Variants in UGT1A8 observed in about 807,000 individuals in gnomAD.
The protein encoded by UGT1A8 is UDP glucuronosyltransferase family 1 member A8.
Under a neutral mutation model 45.3 loss-of-function variants are expected in UGT1A8, and 39 were observed. The observed-to-expected ratio is 0.86, with a 90% CI of 0.67 to 1.12. The LOEUF is 1.12. UGT1A8 is among the 50% of genes most tolerant of loss of function. The pLI, the probability that UGT1A8 is intolerant of heterozygous loss-of-function variation, is 0.00. For missense variants in UGT1A8, 719 were observed against 664.9 expected (o/e 1.08, Z -0.90); for synonymous variants, 275 against 249.2 (o/e 1.10, Z -0.97).
At chr2:233,662,585 G>T (rs1269571283) in intron 1 of UGT1A8, among the ~76,000 whole-genome samples, 1 of 152,154 alleles carries the variant, frequency 6.6e-6, no homozygotes, top group South Asian at 2.1e-4. Flanking sequence ...CTGTGAATGA[G>T]ATCCTTTTAC....
At chr2:233,697,299 A>G (rs570191835) in intron 1 of UGT1A8, among the ~76,000 whole-genome samples, 2 of 152,014 alleles carry the variant, frequency 1.3e-5, no homozygotes, top group African/African-American at 4.8e-5. Flanking sequence ...TCTTCATTCA[A>G]TCTTGGTAGA....
At chr2:233,722,804 C>G (rs1575543281) in intron 1 of UGT1A8, among the ~76,000 whole-genome samples, 2 of 147,930 alleles carry the variant, frequency 1.4e-5, no homozygotes, top group Non-Finnish European at 3.0e-5. Context: ...TCATCTCCCT[C>G]TTATTTTTTC....
In UGT1A8 at chr2:233,769,769, T is replaced by A. The variant is rs979940706; in HGVS notation, c.1295+1330T>A. 1.4e-6 allele frequency: 2 copies of A among 1,395,436 alleles called. No individual in the cohort carries two copies. Among genetic ancestry groups the A allele is most frequent in the Non-Finnish European group, 1.9e-6 (2 of 1,067,626 alleles). The allele number at this position is 1,395,436 out of a possible 1,614,324, so 86.4% of individuals were successfully genotyped here. ...ACTCTGGAGGCTAAGGCGGGAGGAT[T>A]GCTTGAGCCCAGAAGTTGGAGGCTG... is the stretch of plus-strand genomic sequence containing the variant. On this transcript the variant is annotated intron_variant, in intron 4 of 4. Transcript: ENST00000373450. This position sits in a 1 kb window ranked among gnomAD's most constrained non-coding sequence, Gnocchi z 4.4.
chr2:233,741,193 A>G (rs1392920189), intron 1 of UGT1A8, among the ~76,000 whole-genome samples: 1 of 151,910 alleles, frequency 6.6e-6, no homozygotes, highest in Non-Finnish European at 1.5e-5. Flanking sequence ...TTTGCTTTCA[A>G]CTGTTAAAAC....
chr2:233,717,710 C>A, intron 1 of UGT1A8: 2 of 452,848 alleles, frequency 4.4e-6, no homozygotes, highest in Non-Finnish European at 8.9e-6. Context: ...CAGGACGAGC[C>A]TCATGGGCAT....
Position 233,768,222 on chromosome 2 carries a change from C to G in UGT1A8, c.1078C>G (p.His360Asp). 1 of 1,614,186 alleles carries G rather than the reference C, an allele frequency of 6.2e-7. No homozygotes were observed. Among genetic ancestry groups the G allele is most frequent in the Non-Finnish European group, 8.5e-7 (1 of 1,180,046 alleles). The change falls in exon 4 of 5, where the codon CAC becomes GAC. Residue 360 changes from histidine to aspartate, a missense_variant and splice_region_variant. His to Asp is a moderately conservative substitution (Grantham distance 81, BLOSUM62 -1). Coordinates refer to ENST00000373450, the MANE Select transcript of UGT1A8 (RefSeq NM_019076.5). ...ATCCTCCCTATTTTGCATCTCAGGT[C>G]ACCCGATGACCCGTGCCTTTATCAC... ...KWLPQNDLLG[H>D]PMTRAFITHA... is the part of the protein sequence containing the mutation.
intron 1 of UGT1A8, among the ~76,000 whole-genome samples, chr2:233,639,894 T>C (rs1328224148): frequency 1.3e-5 from 2 of 152,328 alleles, no homozygotes; most frequent in East Asian, 1.9e-4. Flanking sequence ...AGCAGAACAT[T>C]GAAATAGTTT....
intron 1 of UGT1A8, among the ~76,000 whole-genome samples, chr2:233,714,731 C>T (rs1234277982): frequency 6.6e-6 from 1 of 152,142 alleles, no homozygotes; most frequent in Non-Finnish European, 1.5e-5. Context: ...GTTAAGTCTT[C>T]AAAATCTAGC....
chr2:233,697,389 G>T (rs1033670982), intron 1 of UGT1A8, among the ~76,000 whole-genome samples: 1 of 151,952 alleles, frequency 6.6e-6, no homozygotes, highest in African/African-American at 2.4e-5. Flanking sequence ...AATCGCTAAT[G>T]ATCCTTTGTA....
chr2:233,734,873 G>A (rs1334248859), intron 1 of UGT1A8, among the ~76,000 whole-genome samples: 3 of 152,244 alleles, frequency 2.0e-5, no homozygotes, highest in Non-Finnish European at 2.9e-5. Flanking sequence ...ACTATGGTCT[G>A]AGAGACAGTT....
At chr2:233,719,955 G>A (rs914065471) in intron 1 of UGT1A8, among the ~76,000 whole-genome samples, 4 of 152,160 alleles carry the variant, frequency 2.6e-5, no homozygotes, top group Admixed American at 2.6e-4. Flanking sequence ...CCATCTTCAT[G>A]GTTGTGCATG....
chr2:233,718,173 A>G (rs143975074), intron 1 of UGT1A8: 25 of 238,454 alleles, frequency 1.0e-4, no homozygotes, highest in Admixed American at 2.8e-4. Flanking sequence ...TGATCATCAC[A>G]TCTTGAGCTC....
chr2:233,731,057 C>A (rs1221719711), intron 1 of UGT1A8, among the ~76,000 whole-genome samples: 3 of 152,120 alleles, frequency 2.0e-5, no homozygotes, highest in Non-Finnish European at 4.4e-5. Context: ...TGTGTATGAA[C>A]TTCCATGATT....
chr2:233,682,318 G>A (rs1468260604), intron 1 of UGT1A8: 8 of 1,613,998 alleles, frequency 5.0e-6, no homozygotes, highest in Non-Finnish European at 6.8e-6. Context: ...GCAGGAGTTT[G>A]TTTAATGACC....
chr2:233,729,652 A>T, intron 1 of UGT1A8: 1 of 1,613,890 alleles, frequency 6.2e-7, no homozygotes, highest in Non-Finnish European at 8.5e-7. Flanking sequence ...TTTGAGGAAC[A>T]TTCCATGTGA....
At position 233,744,183 on chromosome 2, in the gene UGT1A8, A is replaced by G. The variant is rs1026910418; in HGVS notation, c.856-22851A>G. 8.6e-5 allele frequency among the ~76,000 whole-genome samples: 13 copies of G among 151,842 alleles called. 1 individual carries two copies. The highest frequency in any genetic ancestry group is 2.7e-4 in the African/African-American group (11 of 41,106). On this transcript the variant is annotated intron_variant, in intron 1 of 4. Transcript: ENST00000373450. Reference sequence around the variant, plus strand: ...CGCCCACTCCGGCCTCCAACCAGCCATGGTCTCCAAAAAGGATGGGAAAAA... The same window carrying G: ...CGCCCACTCCGGCCTCCAACCAGCCGTGGTCTCCAAAAAGGATGGGAAAAA...
chr2:233,719,356 A>C, intron 1 of UGT1A8: 1 of 1,613,848 alleles, frequency 6.2e-7, no homozygotes, highest in Non-Finnish European at 8.5e-7. Context: ...ATTCCATGTG[A>C]CTTAGACTTT....
intron 1 of UGT1A8, among the ~76,000 whole-genome samples, chr2:233,738,606 A>G (rs1397968465): frequency 6.6e-6 from 1 of 152,228 alleles, no homozygotes; most frequent in Non-Finnish European, 1.5e-5. Flanking sequence ...AAGCTTTAGC[A>G]AAGAAACTCG....
At position 233,773,153 on chromosome 2, in the gene UGT1A8, T is replaced by C. The variant is rs2126068054; in HGVS notation, c.*594T>C. 6.5e-6 allele frequency: 1 copy of C among 154,246 alleles called. No individual in the cohort carries two copies. The highest frequency in any genetic ancestry group is 3.4e-3 in the Middle Eastern group (1 of 294). 9.6% of individuals were successfully genotyped at this position (154,246 alleles called of 1,614,324 possible). A position where few individuals can be genotyped will look rare whatever the true frequency, so the allele number is the denominator to read the frequency against. On this transcript the variant is annotated 3_prime_UTR_variant, in exon 5 of 5. Coordinates refer to ENST00000373450, the MANE Select transcript of UGT1A8 (RefSeq NM_019076.5). ...ATGATGCTATGAAATTGGTGGGTGG[T>C]GTATTTGAGAAGATAATCATTGCTT...
Sources: gnomAD v4.1 joint callset for allele counts (sites outside exome capture counted in the v4.1 genomes callset) on GRCh38, gnomAD v4.1.1 for gene constraint, Gnocchi (gnomAD v3.1) non-coding constraint, MANE v1.5 for transcripts, NCBI Gene and HGNC (gene_info 2026-07-23, HGNC 2026-07-21) for gene names.